PCDHAC1: variants seen among roughly 807,000 people sequenced by gnomAD.
PCDHAC1 encodes the protein protocadherin alpha-C1.
A neutral mutation model predicts 60.0 loss-of-function variants in PCDHAC1; 42 were observed. The ratio of observed to expected loss-of-function variants is 0.70; its 90% CI spans 0.55 to 0.90. The LOEUF is 0.90. Ranked by LOEUF, PCDHAC1 falls within the 40% of genes least tolerant of loss-of-function variation. The probability of loss-of-function intolerance (pLI) is 0.00; values close to 1 mark genes in which losing one functional copy is unlikely to be tolerated. For missense variants in PCDHAC1, 1,160 were observed against 1,222.3 expected (o/e 0.95, Z 0.76); for synonymous variants, 468 against 499.3 (o/e 0.94, Z 0.84).
At chr5:140,998,196 C>T (rs960565673) in intron 3 of PCDHAC1, among the ~76,000 whole-genome samples, 2 of 152,164 alleles carry the variant, frequency 1.3e-5, no homozygotes, top group African/African-American at 4.8e-5. Flanking sequence ...CAAGTATTAA[C>T]TCCTTTAATC....
In PCDHAC1 at chr5:141,003,361, G is replaced by A. The variant is rs2098120892; in HGVS notation, c.2582-6266G>A. Among the ~76,000 whole-genome samples the A allele has an allele frequency of 5.9e-5, 9 of 152,298 alleles. No individual in the cohort carries two copies. The South Asian group carries it at 1.9e-3, about 32-fold the overall frequency. On this transcript the variant is annotated intron_variant, in intron 3 of 3. Coordinates refer to ENST00000253807, the MANE Select transcript of PCDHAC1 (RefSeq NM_018898.5). ...TTTGTTTGCTCTGTCACCCAGGCTG[G>A]AGTGCAGTGGTGCAATCTCAGCTCA...
intron 1 of PCDHAC1, among the ~76,000 whole-genome samples, chr5:140,943,307 T>C (rs1554215574): frequency 6.7e-6 from 1 of 149,570 alleles, no homozygotes; most frequent in Non-Finnish European, 1.5e-5. Flanking sequence ...TGGGAAGTCA[T>C]TATTAGCAAT....
chr5:140,985,416 G>A (rs1554247041), intron 3 of PCDHAC1, among the ~76,000 whole-genome samples: 1 of 152,142 alleles, frequency 6.6e-6, no homozygotes, highest in Non-Finnish European at 1.5e-5. Flanking sequence ...GAAATGGAGT[G>A]AGGAGGATTT....
At chr5:140,991,356 T>C (rs574243681) in intron 3 of PCDHAC1, among the ~76,000 whole-genome samples, 2 of 152,366 alleles carry the variant, frequency 1.3e-5, no homozygotes, top group Non-Finnish European at 2.9e-5. Flanking sequence ...AAAAGACTAT[T>C]TACTGTCTGA....
chr5:140,984,550 A>C (rs1486017679), intron 3 of PCDHAC1, among the ~76,000 whole-genome samples: 1 of 152,134 alleles, frequency 6.6e-6, no homozygotes, highest in Non-Finnish European at 1.5e-5. Flanking sequence ...GATAGAGCTT[A>C]CATCTTCCAA....
At chr5:140,967,279 T>A in intron 1 of PCDHAC1, 1 of 1,613,002 alleles carries the variant, frequency 6.2e-7, no homozygotes, top group Non-Finnish European at 8.5e-7. Context: ...ACATAGAGAG[T>A]GCGCAGGACC....
At chr5:140,967,301 G>T in intron 1 of PCDHAC1, 2 of 1,612,148 alleles carry the variant, frequency 1.2e-6, no homozygotes, top group Middle Eastern at 1.7e-4. Flanking sequence ...CGACGTGGGC[G>T]CCAACTCAGT....
At chr5:140,973,449 C>CT (rs2096588066) in intron 1 of PCDHAC1, among the ~76,000 whole-genome samples, 1 of 152,188 alleles carries the variant, frequency 6.6e-6, no homozygotes, top group African/African-American at 2.4e-5. Flanking sequence ...TTTATAATGA[C>CT]TGGGGCTGTT....
intron 3 of PCDHAC1, among the ~76,000 whole-genome samples, chr5:140,992,399 A>G (rs1276372325): frequency 1.3e-5 from 2 of 152,138 alleles, no homozygotes; most frequent in Admixed American, 6.6e-5. Context: ...ACTTAGAGAT[A>G]TTGTTCTGCC....
chr5:140,999,265 A>G (rs1554256725), intron 3 of PCDHAC1, among the ~76,000 whole-genome samples: 1 of 152,226 alleles, frequency 6.6e-6, no homozygotes, highest in African/African-American at 2.4e-5. Flanking sequence ...GTAAAGGAAT[A>G]CTGCATAGTA....
chr5:140,985,977 G>A (rs1341198195), intron 3 of PCDHAC1, among the ~76,000 whole-genome samples: 3 of 151,932 alleles, frequency 2.0e-5, no homozygotes, highest in African/African-American at 7.3e-5. Flanking sequence ...CTGACCTCGT[G>A]ATCCGCCCAC....
At position 140,967,486 on chromosome 5, in the gene PCDHAC1, G is replaced by A. The variant is rs782309199; in HGVS notation, c.2434-11463G>A. The A allele has an allele frequency of 2.5e-6, 4 of 1,612,986 alleles. No individual in the cohort carries two copies. The African/African-American group carries it at 4.0e-5, about 16-fold the overall frequency. ...GGGGCATCCCAGCCCGCTCGGGTAC[G>A]GCACAGATCTCTGTGCGTGTCCTGG... On this transcript the variant is annotated intron_variant, in intron 1 of 3. Coordinates refer to ENST00000253807, the MANE Select transcript of PCDHAC1 (RefSeq NM_018898.5).
Position 140,972,800 on chromosome 5 carries a change from A to G in PCDHAC1, c.2434-6149A>G, listed in dbSNP as rs937312575. ...TGCCTCAGCCTCCTGAGTAGCTGAGATTACAGGCACGCGCCACCACGCCTG... is the reference window on the plus strand; with the variant it reads ...TGCCTCAGCCTCCTGAGTAGCTGAGGTTACAGGCACGCGCCACCACGCCTG... On this transcript the variant is annotated intron_variant, in intron 1 of 3. Transcript: ENST00000253807. Among the ~76,000 whole-genome samples, 8 of 151,520 alleles carry G rather than the reference A, an allele frequency of 5.3e-5. No individual in the cohort carries two copies. In the South Asian group the frequency reaches 6.3e-4, roughly 12 times the overall value.
chr5:140,941,201 TC>T (rs1462646812), intron 1 of PCDHAC1, among the ~76,000 whole-genome samples: 2 of 103,500 alleles, frequency 1.9e-5, no homozygotes, highest in African/African-American at 7.9e-5. Context: ...TTTTCTTTCT[TC>T]CTTTCTTTCT....
At chr5:140,937,064 G>A (rs2091301496) in intron 1 of PCDHAC1, among the ~76,000 whole-genome samples, 1 of 143,854 alleles carries the variant, frequency 7.0e-6, no homozygotes, top group Admixed American at 7.1e-5. Context: ...TTGAGACGGA[G>A]TCTCGCTCTG....
At position 141,010,104 on chromosome 5, in the gene PCDHAC1, T is replaced by G; in HGVS notation, c.*167T>G. ...TGTCTAGAACGCATTTAACAGGTTTTGTCGTAAAAGCTTTACTAAGTCTGG... is the reference window on the plus strand; with the variant it reads ...TGTCTAGAACGCATTTAACAGGTTTGGTCGTAAAAGCTTTACTAAGTCTGG... On this transcript the variant is annotated 3_prime_UTR_variant, in exon 4 of 4. Coordinates refer to ENST00000253807, the MANE Select transcript of PCDHAC1 (RefSeq NM_018898.5). 1 of 1,612,408 alleles carries G rather than the reference T, an allele frequency of 6.2e-7. No individual in the cohort carries two copies. Among genetic ancestry groups the G allele is most frequent in the Non-Finnish European group, 8.5e-7 (1 of 1,179,092 alleles).
chr5:141,009,651 C>A lies in PCDHAC1; in HGVS notation c.2606C>A (p.Pro869His). 1 of 1,613,950 alleles carries A rather than the reference C, an allele frequency of 6.2e-7. No individual in the cohort carries two copies. The highest frequency in any genetic ancestry group is 8.5e-7 in the Non-Finnish European group (1 of 1,179,936). Residue 869 changes from proline (P) to histidine (H), a missense_variant, in exon 4 of 4, where the codon CCT (proline) becomes CAT (histidine). By Grantham distance (77) the Pro-to-His change is moderately conservative. Coordinates refer to ENST00000253807, the MANE Select transcript of PCDHAC1 (RefSeq NM_018898.5). Reference protein sequence around the residue: ...TPEPEAGEVSPPVGAGVNSNS... With the variant: ...TPEPEAGEVSHPVGAGVNSNS... ...GAACCAGAGGCAGGAGAAGTGTCCC[C>A]TCCAGTCGGTGCGGGTGTCAACAGC...
chr5:140,981,944 G>A (rs893119825), intron 2 of PCDHAC1, among the ~76,000 whole-genome samples: 2 of 152,174 alleles, frequency 1.3e-5, no homozygotes, highest in Non-Finnish European at 2.9e-5. Flanking sequence ...GAAATATAGG[G>A]TGGGTCATCT....
intron 3 of PCDHAC1, among the ~76,000 whole-genome samples, chr5:141,002,246 C>T (rs1217451636): frequency 6.6e-6 from 1 of 152,190 alleles, no homozygotes; most frequent in Non-Finnish European, 1.5e-5. Flanking sequence ...CTTTATTAAC[C>T]TCAGCACTGA....
Sources: allele counts gnomAD v4.1 joint callset (sites outside exome capture counted in the v4.1 genomes callset), GRCh38; gene constraint gnomAD v4.1.1; transcripts MANE v1.5; gene names NCBI Gene and HGNC (gene_info 2026-07-23, HGNC 2026-07-21).